The following OR2T35 variants were observed in gnomAD, a reference collection of about 807,000 sequenced individuals.
OR2T35 encodes the protein olfactory receptor 2T35.
For missense variants in OR2T35, 47 were observed against 278.8 expected (o/e 0.17, Z 5.92); for synonymous variants, 18 against 110.2 (o/e 0.16, Z 5.24).
intron 1 of OR2T35, among the ~76,000 whole-genome samples, chr1:248,643,858 CCTT>C (rs568596403): frequency 0.23 from 10,558 of 45,912 alleles, 354 homozygotes; most frequent in Non-Finnish European, 0.25. Context: ...GTTTCTCTCT[CCTT>C]AAGTCAAGAA....
rs893408301 is a variant in OR2T35 at position 248,645,140 on chromosome 1, A to T, written c.-23+107T>A. 2.1e-5 allele frequency: 3 copies of T among 140,634 alleles called. 1 individual carries two copies. Among genetic ancestry groups the T allele is most frequent in the Non-Finnish European group, 4.7e-5 (3 of 63,692 alleles). The allele number at this position is 140,634 out of a possible 1,614,324, so 8.7% of individuals were successfully genotyped here. Reference sequence around the variant, plus strand: ...CTTGGCTTAAAAAAAAAACAAAACAAAATCAGCACTATAATGGCATGTAGG... The same window carrying T: ...CTTGGCTTAAAAAAAAAACAAAACATAATCAGCACTATAATGGCATGTAGG... On this transcript the variant is annotated intron_variant, in intron 1 of 1. Transcript: ENST00000641268.
Position 248,641,712 on chromosome 1 carries a change from AAAG to A in OR2T35, c.-22-2435_-22-2433del, listed in dbSNP as rs1412436755. Among the ~76,000 whole-genome samples, 6 of 75,342 alleles carry A rather than the reference AAAG, an allele frequency of 8.0e-5. 2 individuals carry two copies. Among genetic ancestry groups the A allele is most frequent in the South Asian group, 1.1e-3 (2 of 1,816 alleles). The allele number at this position is 75,342 out of a possible 152,430, so 49.4% of individuals were successfully genotyped here. On this transcript the variant is annotated intron_variant, in intron 1 of 1. Transcript: ENST00000641268. Reference sequence around the variant, plus strand: ...GAGACCGTGTTAAAAAAAAAAAAAAAAAGGTTCCTTGTGAGTGTGAGCGTTGTG... The same window carrying A: ...GAGACCGTGTTAAAAAAAAAAAAAAAGTTCCTTGTGAGTGTGAGCGTTGTG...
chr1:248,641,819 G>A (rs1403096687), intron 1 of OR2T35, among the ~76,000 whole-genome samples: 13 of 84,112 alleles, frequency 1.5e-4, no homozygotes, highest in African/African-American at 3.7e-4. Flanking sequence ...GAGTGGGTGG[G>A]GATATGTGTA....
In OR2T35 at chr1:248,638,319, T is replaced by C. The variant is rs1243994624; in HGVS notation, c.940A>G (p.Ile314Val). ...VLGRCGSSQSIRVATVIRKG is the reference protein window; with the variant it reads ...VLGRCGSSQSVRVATVIRKG Reference sequence around the variant, plus strand: ...TTCCTGATCACAGTCGCCACCCTGATGCTCTGGGAGGAACCACATCTCCCT... The same window carrying C: ...TTCCTGATCACAGTCGCCACCCTGACGCTCTGGGAGGAACCACATCTCCCT... The change falls in exon 2 of 2, where the codon ATC becomes GTC. Residue 314 changes from isoleucine to valine, a missense_variant. Ile to Val is a conservative substitution (Grantham distance 29, BLOSUM62 3). Transcript: ENST00000641268. 1.2e-5 allele frequency: 11 copies of C among 892,696 alleles called. No individual in the cohort carries two copies. The Middle Eastern group carries it at 6.5e-4, about 53-fold the overall frequency. The allele number at this position is 892,696 out of a possible 1,614,324, so 55.3% of individuals were successfully genotyped here.
rs1484209781 is a variant in OR2T35 at position 248,638,242 on chromosome 1, T to A, written c.*45A>T. 1.0e-6 allele frequency: 1 copy of A among 955,058 alleles called. No individual in the cohort carries two copies. Among genetic ancestry groups the A allele is most frequent in the Non-Finnish European group, 1.7e-6 (1 of 595,514 alleles). The allele number at this position is 955,058 out of a possible 1,614,324, so 59.2% of individuals were successfully genotyped here. The stretch of plus-strand genomic sequence containing the variant: ...CTGATGCTCTGGGAGTCCCCGCTAA[T>A]CCTTCCCGATCACAGTCACCACTCT... On this transcript the variant is annotated 3_prime_UTR_variant, in exon 2 of 2. Coordinates refer to ENST00000641268, the MANE Select transcript of OR2T35 (RefSeq NM_001001827.2).
intron 1 of OR2T35, among the ~76,000 whole-genome samples, chr1:248,641,697 TAAAAAAA>T (rs3033658): frequency 6.8e-5 from 4 of 58,860 alleles, no homozygotes; most frequent in African/African-American, 1.5e-4. Context: ...GAGACCGTGT[TAAAAAAA>T]AAAAAAAAAA....
chr1:248,644,817 C>T (rs907945841), intron 1 of OR2T35, among the ~76,000 whole-genome samples: 3 of 140,222 alleles, frequency 2.1e-5, no homozygotes, highest in Admixed American at 2.1e-4. Flanking sequence ...ACACAAGCTA[C>T]TCCTGTACTC....
intron 1 of OR2T35, among the ~76,000 whole-genome samples, chr1:248,644,189 TA>T (rs1660826066): frequency 8.3e-6 from 1 of 120,576 alleles, no homozygotes; most frequent in South Asian, 2.9e-4. Context: ...GATTGCAGGT[TA>T]ACTAAAACTA....
chr1:248,644,627 C>T (rs182626719), intron 1 of OR2T35, among the ~76,000 whole-genome samples: 151 of 143,824 alleles, frequency 1.0e-3, no homozygotes, highest in African/African-American at 3.8e-3. Flanking sequence ...AACTCAGCGT[C>T]GAGAAATAAG....
chr1:248,644,713 T>TTA (rs1410467922), intron 1 of OR2T35, among the ~76,000 whole-genome samples: 1 of 140,742 alleles, frequency 7.1e-6, no homozygotes, highest in Non-Finnish European at 1.6e-5. Flanking sequence ...CCTGGCAGTT[T>TTA]TAGTCTTGAA....
intron 1 of OR2T35, among the ~76,000 whole-genome samples, chr1:248,639,485 G>A (rs1267407401): frequency 2.6e-5 from 4 of 151,532 alleles, no homozygotes; most frequent in African/African-American, 9.7e-5. Context: ...TCTGTGAAAG[G>A]TCATCATAGT....
rs1660761392 is a variant in OR2T35 at position 248,639,273 on chromosome 1, T to A, written c.-15A>T. The A allele has an allele frequency of 2.2e-6, 1 of 458,286 alleles. No individual in the cohort carries two copies. Among genetic ancestry groups the A allele is most frequent in the Non-Finnish European group, 4.0e-6 (1 of 247,264 alleles). The allele number at this position is 458,286 out of a possible 1,614,324, so 28.4% of individuals were successfully genotyped here. A position where few individuals can be genotyped will look rare whatever the true frequency, so the allele number is the denominator to read the frequency against. On this transcript the variant is annotated 5_prime_UTR_variant, in exon 2 of 2. Coordinates refer to ENST00000641268, the MANE Select transcript of OR2T35 (RefSeq NM_001001827.2). ...TCCATGCCCATGGTCCATGACAAGC[T>A]CCTTGGGCTGTAAAGGCAGAAATCT...
At chr1:248,642,038 G>A (rs149230242) in intron 1 of OR2T35, among the ~76,000 whole-genome samples, 54,556 of 58,556 alleles carry the variant, frequency 0.93, 25,652 homozygotes, top group East Asian at 1. Context: ...TGTTTACATC[G>A]GTTCCGAGCA....
At chr1:248,643,987 C>A (rs1430272426) in intron 1 of OR2T35, among the ~76,000 whole-genome samples, 3 of 34,474 alleles carry the variant, frequency 8.7e-5, no homozygotes, top group African/African-American at 2.0e-4. Context: ...GTTACTTGAA[C>A]ACAAGCACTG....
At position 248,645,255 on chromosome 1, in the gene OR2T35, CA is replaced by C. The variant is rs1445087961; in HGVS notation, c.-32del. ...GCTACATGCCAACTTACCTAAACTA[CA>C]TTGTCAAGGATATCACCAATGGACT... On this transcript the variant is annotated 5_prime_UTR_variant, in exon 1 of 2. The change abolishes an upstream ATG in the 5' untranslated region. Coordinates refer to ENST00000641268, the MANE Select transcript of OR2T35 (RefSeq NM_001001827.2). 5 of 121,974 alleles carry C rather than the reference CA, an allele frequency of 4.1e-5. No individual in the cohort carries two copies. In the East Asian group the frequency reaches 1.4e-3, roughly 33 times the overall value. 7.6% of individuals were successfully genotyped at this position (121,974 alleles called of 1,614,324 possible).
In OR2T35 at chr1:248,638,204, T is replaced by TCG. The variant is rs1660727395; in HGVS notation, c.*82_*83insCG. The TCG allele has an allele frequency of 2.5e-6, 2 of 793,774 alleles. No individual in the cohort carries two copies. The highest frequency in any genetic ancestry group is 3.8e-6 in the Non-Finnish European group (2 of 525,024). 49.2% of individuals were successfully genotyped at this position (793,774 alleles called of 1,614,324 possible). On this transcript the variant is annotated 3_prime_UTR_variant, in exon 2 of 2. Transcript: ENST00000641268. ...ACTAGTCCCTGCTAGTCCTTCCTGA[T>TCG]CAGTCACCACCCCTGATGCTCTGGG...
chr1:248,645,139 A>ACT lies in OR2T35; in HGVS notation c.-23+107_-23+108insAG, dbSNP rs1419729070. ...GCTTGGCTTAAAAAAAAAACAAAACAAAATCAGCACTATAATGGCATGTAG... is the reference window on the plus strand; with the variant it reads ...GCTTGGCTTAAAAAAAAAACAAAACACTAAATCAGCACTATAATGGCATGTAG... On this transcript the variant is annotated intron_variant, in intron 1 of 1. Transcript: ENST00000641268. The ACT allele has an allele frequency of 1.4e-5, 2 of 139,466 alleles. 1 individual carries two copies. Among genetic ancestry groups the ACT allele is most frequent in the Non-Finnish European group, 3.2e-5 (2 of 63,152 alleles). The allele number at this position is 139,466 out of a possible 1,614,324, so 8.6% of individuals were successfully genotyped here.
intron 1 of OR2T35, among the ~76,000 whole-genome samples, chr1:248,642,235 A>T (rs1474509998): frequency 5.3e-5 from 3 of 56,532 alleles, no homozygotes; most frequent in African/African-American, 9.4e-5. Flanking sequence ...AAAAAAAAAA[A>T]GAAAAAGAAA....
chr1:248,644,355 CAGG>C (rs1366062577), intron 1 of OR2T35, among the ~76,000 whole-genome samples: 2 of 75,844 alleles, frequency 2.6e-5, no homozygotes, highest in Admixed American at 1.4e-4. Flanking sequence ...TCACAAGAAC[CAGG>C]AGAAGACAGG....
Sources: gnomAD v4.1 joint callset for allele counts (sites outside exome capture counted in the v4.1 genomes callset) on GRCh38, gnomAD v4.1.1 for gene constraint, MANE v1.5 for transcripts, NCBI Gene and HGNC (gene_info 2026-07-23, HGNC 2026-07-21) for gene names.